Variants in MROH9 observed in about 807,000 individuals in gnomAD.
The protein encoded by MROH9 is maestro heat like repeat family member 9.
MROH9 carries 92 observed loss-of-function variants against 98.2 expected under a neutral mutation model. That is an observed-to-expected ratio of 0.94 (90% CI 0.79 to 1.11). The LOEUF is 1.11. MROH9 is among the 50% of genes most tolerant of loss of function. The pLI is 0.00. For synonymous variants in MROH9, 397 were observed against 368.9 expected, an observed-to-expected ratio of 1.08 and a Z score of -0.87; for missense variants, 1,057 against 1,014.8, an observed-to-expected ratio of 1.04 and a Z score of -0.57.
At chr1:170,986,462 C>T in intron 9 of MROH9, 99 bp from the exon 10 acceptor site, 1 of 1,278,796 alleles carries the variant, frequency 7.8e-7, no homozygotes, top group Non-Finnish European at 1.1e-6. Flanking sequence ...GACTTGTGGC[C>T]CTGCTTGGCT....
chr1:171,012,663 T>C (rs763991106), intron 15 of MROH9, among the ~76,000 whole-genome samples: 23 of 151,800 alleles, frequency 1.5e-4, no homozygotes, highest in Middle Eastern at 3.2e-3. Context: ...CCACCACGCC[T>C]GGCTAATTTT....
intron 20 of MROH9, among the ~76,000 whole-genome samples, chr1:171,059,284 T>A (rs1653943289): frequency 6.6e-6 from 1 of 152,040 alleles, no homozygotes; most frequent in African/African-American, 2.4e-5. Context: ...AACAAACTTA[T>A]GAAAAAAAGT....
intron 15 of MROH9, among the ~76,000 whole-genome samples, chr1:171,003,244 A>T (rs549945999): frequency 1.6e-4 from 24 of 152,250 alleles, no homozygotes; most frequent in African/African-American, 5.8e-4. Context: ...TTTTCAGGAA[A>T]ATCAGGGATT....
At chr1:171,026,228 C>CAA (rs202106843) in intron 20 of MROH9, among the ~76,000 whole-genome samples, 2,582 of 151,890 alleles carry the variant, frequency 0.017, 60 homozygotes, top group African/African-American at 0.05. Flanking sequence ...CACACACACA[C>CAA]CCTCACAAAG....
At chr1:171,045,296 G>A (rs1258597598) in intron 20 of MROH9, among the ~76,000 whole-genome samples, 1 of 151,562 alleles carries the variant, frequency 6.6e-6, no homozygotes, top group South Asian at 2.1e-4. Context: ...CACCGTGCTC[G>A]GCCTGCCCTG....
intron 15 of MROH9, among the ~76,000 whole-genome samples, chr1:171,012,088 A>G (rs1423196907): frequency 6.6e-6 from 1 of 151,904 alleles, no homozygotes; most frequent in Non-Finnish European, 1.5e-5. Flanking sequence ...TGTTATATAT[A>G]ATTTTTATTG....
At chr1:171,002,974 A>G (rs1651831935) in intron 15 of MROH9, among the ~76,000 whole-genome samples, 1 of 151,710 alleles carries the variant, frequency 6.6e-6, no homozygotes, top group African/African-American at 2.4e-5. Context: ...TCTTTGTTGG[A>G]TTGGGTTAAT....
chr1:171,058,528 T>A (rs1440250888), intron 20 of MROH9, among the ~76,000 whole-genome samples: 2 of 151,762 alleles, frequency 1.3e-5, no homozygotes, highest in Non-Finnish European at 2.9e-5. Context: ...TCAAAAAAGA[T>A]CCCATATGGC....
In MROH9 at chr1:170,961,637, T is replaced by C. The variant is rs139425436; in HGVS notation, c.289-253T>C. Among the ~76,000 whole-genome samples, 467 of 152,296 alleles carry C rather than the reference T, an allele frequency of 3.1e-3. 6 individuals are homozygous for C. Among genetic ancestry groups the C allele is most frequent in the African/African-American group, 0.011 (445 of 41,578 alleles). ...TCACTAAAAATATTCATTCTACTTC[T>C]CAAAGAGAATTACATTTTTATGTTT... On this transcript the variant is annotated intron_variant, in intron 5 of 21. Transcript: ENST00000367759.
chr1:170,964,212 T>C (rs1650138010), intron 6 of MROH9, among the ~76,000 whole-genome samples: 1 of 152,086 alleles, frequency 6.6e-6, no homozygotes, highest in Non-Finnish European at 1.5e-5. Context: ...GGAGCAATAA[T>C]ATATATAATG....
At position 170,971,823 on chromosome 1, in the gene MROH9, AT is replaced by A; in HGVS notation, c.558del (p.Ile186MetfsTer2). 6.2e-7 allele frequency: 1 copy of A among 1,614,040 alleles called. No homozygotes were observed. Among genetic ancestry groups the A allele is most frequent in the Non-Finnish European group, 8.5e-7 (1 of 1,179,944 alleles). On this transcript the variant is annotated frameshift_variant, in exon 8 of 22. Coordinates refer to ENST00000367759, the MANE Select transcript of MROH9 (RefSeq NM_001163629.2). LOFTEE classifies it high-confidence loss of function. ...TTTGTGTTCCCATGAAGATCCCTCG[AT>A]TGTAAAACAAGCATCATTGGGAATG... ...SLLCSHEDPS[I>X]VKQASLGMCH...
At chr1:171,027,834 T>G (rs1194163587) in intron 20 of MROH9, among the ~76,000 whole-genome samples, 2 of 152,238 alleles carry the variant, frequency 1.3e-5, no homozygotes, top group Non-Finnish European at 2.9e-5. Flanking sequence ...ATATGCTTGT[T>G]GGCATGTAAA....
rs757382134 is a variant in MROH9, at chr1:170,959,618, A to T, written c.288+21A>T. On this transcript the variant is annotated intron_variant, in intron 5 of 21. Coordinates refer to ENST00000367759, the MANE Select transcript of MROH9 (RefSeq NM_001163629.2). ...TGGAGGTAAAATTTTTCTTCCTTTA[A>T]TCATTATAGGATGTTATTACACATC... The T allele has an allele frequency of 3.0e-5, 48 of 1,608,246 alleles. No homozygotes were observed. In the East Asian group the frequency reaches 1.0e-3, roughly 34 times the overall value.
chr1:171,000,593 T>C (rs1345909790), intron 15 of MROH9, among the ~76,000 whole-genome samples: 2 of 152,200 alleles, frequency 1.3e-5, no homozygotes, highest in East Asian at 1.9e-4. Context: ...TGAAACCCAC[T>C]TGATCATGGT....
intron 3 of MROH9, among the ~76,000 whole-genome samples, chr1:170,951,867 T>A (rs1046166721): frequency 6.6e-6 from 1 of 152,162 alleles, no homozygotes; most frequent in Admixed American, 6.5e-5. Flanking sequence ...TGAGAGCACC[T>A]TTTGTGCAGA....
At chr1:170,986,483 C>A in intron 9 of MROH9, 78 bp from the exon 10 acceptor site, 6 of 1,485,954 alleles carry the variant, frequency 4.0e-6, no homozygotes, top group Non-Finnish European at 5.4e-6. Context: ...CTTGAGCATC[C>A]CCCACCATGT....
At chr1:170,990,076 T>C in intron 11 of MROH9, 73 bp downstream of exon 11, 1 of 1,439,262 alleles carries the variant, frequency 6.9e-7, no homozygotes, top group Non-Finnish European at 9.4e-7. Flanking sequence ...GGACCTGGGT[T>C]CAACTCTCAA....
chr1:170,960,937 A>G (rs1649993033), intron 5 of MROH9, among the ~76,000 whole-genome samples: 1 of 152,138 alleles, frequency 6.6e-6, no homozygotes, highest in South Asian at 2.1e-4. Context: ...CCTGAATTAT[A>G]TTTAAATATG....
chr1:170,951,777 G>A (rs1019691773), intron 3 of MROH9, among the ~76,000 whole-genome samples: 2 of 152,178 alleles, frequency 1.3e-5, no homozygotes, highest in African/African-American at 4.8e-5. Flanking sequence ...ATAAAGACAG[G>A]GCTGTTGTAA....
Sources: allele counts gnomAD v4.1 joint callset (sites outside exome capture counted in the v4.1 genomes callset), GRCh38; gene constraint gnomAD v4.1.1; transcripts MANE v1.5; gene names NCBI Gene and HGNC (gene_info 2026-07-23, HGNC 2026-07-21).